WARS2: variants seen among roughly 807,000 people sequenced by gnomAD.
WARS2 encodes the protein tryptophan--tRNA ligase, mitochondrial.
Under a neutral mutation model 36.5 loss-of-function variants are expected in WARS2, and 28 were observed. That is an observed-to-expected ratio of 0.77 (90% CI 0.57 to 1.05). The LOEUF is 1.05. WARS2 is among the 50% of genes least tolerant of loss of function. The probability of loss-of-function intolerance (pLI) is 0.00; values close to 1 mark genes in which losing one functional copy is unlikely to be tolerated. For synonymous variants in WARS2, 174 were observed against 178.4 expected (o/e 0.98, Z 0.20); for missense variants, 435 against 456.8 (o/e 0.95, Z 0.44).
intron 2 of WARS2, among the ~76,000 whole-genome samples, chr1:119,062,595 C>T (rs12724798): frequency 0.06 from 9,068 of 152,164 alleles, 347 homozygotes; most frequent in East Asian, 0.2. Context: ...AATTGTATCT[C>T]GCAGAATTTC....
At chr1:119,114,370 TG>T (rs1288621201) in intron 1 of WARS2, among the ~76,000 whole-genome samples, 1 of 152,226 alleles carries the variant, frequency 6.6e-6, no homozygotes, top group Non-Finnish European at 1.5e-5. Context: ...AACACTGCTT[TG>T]CTTGTTTTAT....
At chr1:119,034,271 G>A (rs1557930241) in intron 4 of WARS2, 58 bp from the exon 5 acceptor site, 1 of 1,358,474 alleles carries the variant, frequency 7.4e-7, no homozygotes, top group East Asian at 2.3e-5. Context: ...AGACAGAAAT[G>A]ATATTGCAAG....
chr1:119,054,055 T>A (rs1649577032), intron 2 of WARS2, among the ~76,000 whole-genome samples: 1 of 151,004 alleles, frequency 6.6e-6, no homozygotes, highest in Admixed American at 6.6e-5. Context: ...ATACCCCCTA[T>A]CAAATAATAA....
chr1:119,054,348 T>C (rs1198091888), intron 2 of WARS2, among the ~76,000 whole-genome samples: 1 of 151,950 alleles, frequency 6.6e-6, no homozygotes, highest in Non-Finnish European at 1.5e-5. Flanking sequence ...TAATGTGATA[T>C]CACCTTATAT....
intron 1 of WARS2, among the ~76,000 whole-genome samples, chr1:119,077,342 C>G (rs587663258): frequency 6.6e-6 from 1 of 152,198 alleles, no homozygotes; most frequent in South Asian, 2.1e-4. Flanking sequence ...AGCCTTCAGA[C>G]ATAGAATGAA....
intron 1 of WARS2, among the ~76,000 whole-genome samples, chr1:119,100,550 T>C (rs1653781545): frequency 6.6e-6 from 1 of 152,228 alleles, no homozygotes; most frequent in Non-Finnish European, 1.5e-5. Context: ...TAAGTGTTCA[T>C]CAACAGATGA....
At chr1:119,123,630 G>T (rs974943422) in intron 1 of WARS2, among the ~76,000 whole-genome samples, 1 of 151,906 alleles carries the variant, frequency 6.6e-6, no homozygotes, top group Non-Finnish European at 1.5e-5. Context: ...ACACGTTAAT[G>T]TTAGTCTATA....
At chr1:119,090,695 G>C (rs775187368) in intron 1 of WARS2, among the ~76,000 whole-genome samples, 1 of 152,060 alleles carries the variant, frequency 6.6e-6, no homozygotes, top group African/African-American at 2.4e-5. Context: ...AACGTAGGGA[G>C]ATCCTGTCTC....
Position 119,032,829 on chromosome 1 carries a change from T to G in WARS2, c.*82A>C. ...AAATTAAATGTCCCAAAACTATAACTTTTTCTTTTTAGGAAAGCTGCCGTT... is the reference window on the plus strand; with the variant it reads ...AAATTAAATGTCCCAAAACTATAACGTTTTCTTTTTAGGAAAGCTGCCGTT... On this transcript the variant is annotated 3_prime_UTR_variant, in exon 6 of 6. Coordinates refer to ENST00000235521, the MANE Select transcript of WARS2 (RefSeq NM_015836.4). The G allele has an allele frequency of 7.5e-7, 1 of 1,339,014 alleles. No homozygotes were observed. The highest frequency in any genetic ancestry group is 1.0e-6 in the Non-Finnish European group (1 of 976,248). The allele number at this position is 1,339,014 out of a possible 1,614,324, so 82.9% of individuals were successfully genotyped here. A position where few individuals can be genotyped will look rare whatever the true frequency, so the allele number is the denominator to read the frequency against.
chr1:119,116,414 A>T (rs1225765431), intron 1 of WARS2, among the ~76,000 whole-genome samples: 1 of 152,218 alleles, frequency 6.6e-6, no homozygotes, highest in African/African-American at 2.4e-5. Context: ...TAGAAAGAAC[A>T]GAACAGTGTC....
chr1:119,039,543 G>C (rs1648174896), intron 4 of WARS2, among the ~76,000 whole-genome samples: 1 of 152,026 alleles, frequency 6.6e-6, no homozygotes, highest in African/African-American at 2.4e-5. Flanking sequence ...AAATAATACA[G>C]ATGCAAAATA....
At chr1:119,074,873 A>G (rs1651607729) in intron 2 of WARS2, among the ~76,000 whole-genome samples, 1 of 152,180 alleles carries the variant, frequency 6.6e-6, no homozygotes, top group South Asian at 2.1e-4. Flanking sequence ...CCATTACCCT[A>G]AGTGAAATCA....
At chr1:119,120,024 C>A (rs1655230209) in intron 1 of WARS2, among the ~76,000 whole-genome samples, 1 of 151,810 alleles carries the variant, frequency 6.6e-6, no homozygotes, top group South Asian at 2.1e-4. Context: ...AAGAACAAAC[C>A]AAACCCAAAC....
chr1:119,124,955 T>A (rs1235555165), intron 1 of WARS2, among the ~76,000 whole-genome samples: 1 of 152,224 alleles, frequency 6.6e-6, no homozygotes, highest in African/African-American at 2.4e-5. Context: ...CTGTGTGCAT[T>A]CTGTTGCTTG....
intron 2 of WARS2, among the ~76,000 whole-genome samples, chr1:119,049,047 G>C (rs1557941365): frequency 6.6e-6 from 1 of 152,040 alleles, no homozygotes; most frequent in Non-Finnish European, 1.5e-5. Context: ...ACTCTAGCGT[G>C]GGCAACGGAG....
At chr1:119,041,247 CA>C (rs1648330535) in intron 4 of WARS2, among the ~76,000 whole-genome samples, 1 of 152,192 alleles carries the variant, frequency 6.6e-6, no homozygotes, top group Admixed American at 6.5e-5. Flanking sequence ...CTTCTTTTCC[CA>C]GAAGCTTTCA....
chr1:119,102,947 C>T (rs962919517), intron 1 of WARS2, among the ~76,000 whole-genome samples: 1 of 152,224 alleles, frequency 6.6e-6, no homozygotes, highest in Non-Finnish European at 1.5e-5. Flanking sequence ...TTGTATTTTA[C>T]ACTCTGATTT....
In WARS2 at chr1:119,032,609, T is replaced by A; in HGVS notation, c.*302A>T. ...CACAAATGATACTCCATTTCCCAAA[T>A]TACTCCTTACTTCAATCACATTTCT... On this transcript the variant is annotated 3_prime_UTR_variant, in exon 6 of 6. Coordinates refer to ENST00000235521, the MANE Select transcript of WARS2 (RefSeq NM_015836.4). The A allele has an allele frequency of 2.7e-6, 1 of 370,962 alleles. No individual in the cohort carries two copies. The highest frequency in any genetic ancestry group is 4.9e-6 in the Non-Finnish European group (1 of 205,024). 23.0% of individuals were successfully genotyped at this position (370,962 alleles called of 1,614,324 possible). A position where few individuals can be genotyped will look rare whatever the true frequency, so the allele number is the denominator to read the frequency against.
At chr1:119,114,652 G>A (rs182319343) in intron 1 of WARS2, among the ~76,000 whole-genome samples, 3 of 152,232 alleles carry the variant, frequency 2.0e-5, no homozygotes, top group Admixed American at 2.0e-4. Context: ...GTATAGTTGA[G>A]GACCATTACT....
Sources: allele counts gnomAD v4.1 joint callset (sites outside exome capture counted in the v4.1 genomes callset), GRCh38; gene constraint gnomAD v4.1.1; transcripts MANE v1.5; gene names NCBI Gene and HGNC (gene_info 2026-07-23, HGNC 2026-07-21).